The following GATAD2B variants were observed in gnomAD, a reference collection of about 807,000 sequenced individuals.
GATAD2B encodes the protein GATA zinc finger domain containing 2B, also known as transcriptional repressor p66-beta.
In GATAD2B, 8 loss-of-function variants were observed where a neutral mutation model predicts 64.3. That is an observed-to-expected ratio of 0.12 (90% CI 0.07 to 0.22). The LOEUF is 0.22. Among genes scored for constraint, GATAD2B ranks in the 10% least tolerant of loss-of-function variants. GATAD2B has a pLI of 1.00. For missense variants in GATAD2B, 453 were observed against 752.0 expected, an observed-to-expected ratio of 0.60 and a Z score of 4.65; for synonymous variants, 281 against 271.3, an observed-to-expected ratio of 1.04 and a Z score of -0.35.
At chr1:153,905,553 GAAAAAAAAAAAA>G (rs769120730) in intron 1 of GATAD2B, among the ~76,000 whole-genome samples, 1 of 64,660 alleles carries the variant, frequency 1.5e-5, no homozygotes, top group Non-Finnish European at 3.2e-5. Flanking sequence ...AACAATTTTG[GAAAAAAAAAAAA>G]AAAAAAAAAA....
intron 1 of GATAD2B, among the ~76,000 whole-genome samples, chr1:153,879,538 C>T (rs985895567): frequency 4.6e-5 from 7 of 151,746 alleles, no homozygotes; most frequent in East Asian, 1.9e-4. Context: ...TCAAGACGGG[C>T]GGATTATGAG....
At chr1:153,815,909 C>T (rs1356387713) in intron 7 of GATAD2B, among the ~76,000 whole-genome samples, 9 of 152,068 alleles carry the variant, frequency 5.9e-5, no homozygotes, top group Admixed American at 1.3e-4. Context: ...AAAAATTAAC[C>T]GGGTGTGGTG....
At chr1:153,831,594 T>C (rs1434791691) in intron 1 of GATAD2B, among the ~76,000 whole-genome samples, 1 of 152,230 alleles carries the variant, frequency 6.6e-6, no homozygotes, top group Non-Finnish European at 1.5e-5. Context: ...ATGTTTAGTA[T>C]ATTCAGAGCT....
At chr1:153,825,461 T>C (rs1241709325) in intron 2 of GATAD2B, among the ~76,000 whole-genome samples, 1 of 152,192 alleles carries the variant, frequency 6.6e-6, no homozygotes, top group African/African-American at 2.4e-5. Flanking sequence ...TCTCACTCTG[T>C]TGCCCAGGTT....
chr1:153,872,191 T>TAA (rs1676691090), intron 1 of GATAD2B, among the ~76,000 whole-genome samples: 2 of 150,992 alleles, frequency 1.3e-5, no homozygotes, highest in Non-Finnish European at 2.9e-5. Flanking sequence ...TGGTAGCGTG[T>TAA]GCCTGTAATC....
At chr1:153,842,594 GTTC>G (rs949355620) in intron 1 of GATAD2B, among the ~76,000 whole-genome samples, 8 of 151,908 alleles carry the variant, frequency 5.3e-5, no homozygotes, top group South Asian at 2.1e-4. Flanking sequence ...CTTCTGTACT[GTTC>G]TTCATTTTTC....
At chr1:153,852,277 G>C in intron 1 of GATAD2B, 1 of 1,194,758 alleles carries the variant, frequency 8.4e-7, no homozygotes, top group Non-Finnish European at 1.2e-6. Context: ...TTCATTTTCT[G>C]CAGCTGCCCC....
chr1:153,905,279 G>A (rs1481777109), intron 1 of GATAD2B, among the ~76,000 whole-genome samples: 3 of 151,974 alleles, frequency 2.0e-5, no homozygotes, highest in Non-Finnish European at 4.4e-5. Context: ...GGGAGGCTGA[G>A]ACAGGGAGAA....
In GATAD2B at chr1:153,884,306, G is replaced by A. The variant is rs565871446; in HGVS notation, c.-2+38427C>T. Among the ~76,000 whole-genome samples, 11 of 152,312 alleles carry A rather than the reference G, an allele frequency of 7.2e-5. No individual in the cohort carries two copies. In the South Asian group the frequency reaches 2.3e-3, roughly 32 times the overall value. On this transcript the variant is annotated intron_variant, in intron 1 of 10. Coordinates refer to ENST00000368655, the MANE Select transcript of GATAD2B (RefSeq NM_020699.4). Reference sequence around the variant, plus strand: ...TACAAAAAAATTAGCCAGGCGTGGTGATGGCGGGTGCCTGTAGTCCCAGCT... The same window carrying A: ...TACAAAAAAATTAGCCAGGCGTGGTAATGGCGGGTGCCTGTAGTCCCAGCT...
intron 1 of GATAD2B, among the ~76,000 whole-genome samples, chr1:153,906,797 A>C (rs1677953686): frequency 6.6e-6 from 1 of 152,206 alleles, no homozygotes; most frequent in African/African-American, 2.4e-5. Context: ...TTAGAAACAA[A>C]AACAACAACA....
chr1:153,912,526 C>T (rs1214128192), intron 1 of GATAD2B, among the ~76,000 whole-genome samples: 1 of 152,190 alleles, frequency 6.6e-6, no homozygotes, highest in African/African-American at 2.4e-5. Flanking sequence ...TTTCACAGAA[C>T]CTAACGGTGC....
intron 1 of GATAD2B, among the ~76,000 whole-genome samples, chr1:153,918,286 G>A (rs1678332923): frequency 6.6e-6 from 1 of 152,182 alleles, no homozygotes; most frequent in African/African-American, 2.4e-5. Context: ...AAATCACAAA[G>A]CTAGAATTCA....
intron 1 of GATAD2B, among the ~76,000 whole-genome samples, chr1:153,837,713 T>C (rs985042935): frequency 6.6e-6 from 1 of 152,182 alleles, no homozygotes; most frequent in African/African-American, 2.4e-5. Flanking sequence ...TGCACAACTT[T>C]GTAAATATAC....
chr1:153,815,487 A>G (rs935131641), intron 7 of GATAD2B, among the ~76,000 whole-genome samples: 28 of 152,004 alleles, frequency 1.8e-4, no homozygotes, highest in African/African-American at 6.8e-4. Context: ...TAATAAAATG[A>G]TGTTATTTGA....
chr1:153,812,181 C>T (rs749650173), intron 8 of GATAD2B, 49 bp from the exon 9 acceptor site: 11 of 922,272 alleles, frequency 1.2e-5, no homozygotes, highest in Non-Finnish European at 1.5e-5. Context: ...GCACCCAATA[C>T]CCAATTTCCT....
intron 1 of GATAD2B, among the ~76,000 whole-genome samples, chr1:153,920,791 G>C (rs531755256): frequency 6.6e-6 from 1 of 152,278 alleles, no homozygotes; most frequent in East Asian, 1.9e-4. Context: ...GATTCCTGCT[G>C]ATTAGTACTT....
intron 1 of GATAD2B, among the ~76,000 whole-genome samples, chr1:153,881,078 G>A (rs536135477): frequency 6.6e-6 from 1 of 152,168 alleles, no homozygotes; most frequent in African/African-American, 2.4e-5. Flanking sequence ...AGATGACGCA[G>A]ACTTCCTTAT....
intron 1 of GATAD2B, among the ~76,000 whole-genome samples, chr1:153,854,177 CG>C (rs1676003452): frequency 6.6e-6 from 1 of 152,036 alleles, no homozygotes; most frequent in African/African-American, 2.4e-5. Flanking sequence ...CTGAAACGGG[CG>C]GATCGTGAGG....
At chr1:153,834,988 G>A (rs1675217445) in intron 1 of GATAD2B, among the ~76,000 whole-genome samples, 1 of 151,872 alleles carries the variant, frequency 6.6e-6, no homozygotes, top group Non-Finnish European at 1.5e-5. Context: ...GTTGGGCACG[G>A]TGGCATGCAC....
Sources: gnomAD v4.1 joint callset for allele counts (sites outside exome capture counted in the v4.1 genomes callset) on GRCh38, gnomAD v4.1.1 for gene constraint, MANE v1.5 for transcripts, NCBI Gene and HGNC (gene_info 2026-07-23, HGNC 2026-07-21) for gene names.